Variants in GLRA2 observed in about 807,000 individuals in gnomAD.
The protein encoded by GLRA2 is glycine receptor subunit alpha-2.
GLRA2 carries 11 observed loss-of-function variants against 31.6 expected under a neutral mutation model. That is an observed-to-expected ratio of 0.35 (90% CI 0.22 to 0.58). The LOEUF (loss-of-function observed/expected upper bound fraction) is 0.58. GLRA2 is among the 20% of genes least tolerant of loss of function. The pLI is 0.84. For synonymous variants in GLRA2, 132 were observed against 134.0 expected, an observed-to-expected ratio of 0.99 and a Z score of 0.10; for missense variants, 212 against 351.8, an observed-to-expected ratio of 0.60 and a Z score of 3.18.
the GLRA2 span, among the ~76,000 whole-genome samples, chrX:14,464,503 G>T: frequency 9.0e-6 from 1 of 110,786 alleles, no homozygotes; most frequent in East Asian, 2.8e-4. Flanking sequence ...ATAGATGGAT[G>T]AATTTCAGGG....
intron 4 of GLRA2, among the ~76,000 whole-genome samples, chrX:14,595,068 G>T (rs993299626): frequency 4.5e-5 from 5 of 110,944 alleles, no homozygotes; most frequent in African/African-American, 1.6e-4. Context: ...AAAAAATGAT[G>T]TGTCTCTGGT....
rs140244800 is a variant in GLRA2, at chrX:14,730,254, G to A, written c.1128G>A (p.Gly376=). ...RESRFNFSGY[G]MGHCLQVKDG... is the part of the protein sequence containing the mutation. ...GTCGTTTTAATTTTAGCGGTTATGGGATGGGTCACTGCCTCCAAGTGAAAG... is the reference window on the plus strand; with the variant it reads ...GTCGTTTTAATTTTAGCGGTTATGGAATGGGTCACTGCCTCCAAGTGAAAG... The change falls in exon 9 of 9, where the codon GGG becomes GGA. Residue 376 remains glycine (G), a synonymous_variant. Transcript: ENST00000218075. 260 of 1,197,147 alleles carry A rather than the reference G, an allele frequency of 2.2e-4. No individual in the cohort carries two copies. In the Middle Eastern group the frequency reaches 7.4e-3, roughly 34 times the overall value.
intron 2 of GLRA2, among the ~76,000 whole-genome samples, chrX:14,535,690 G>A (rs1330229400): frequency 8.9e-6 from 1 of 112,300 alleles, no homozygotes; most frequent in Non-Finnish European, 1.9e-5. Flanking sequence ...TGAAACCATG[G>A]TAAATGTTGA....
At chrX:14,671,498 C>T (rs1301737680) in intron 7 of GLRA2, among the ~76,000 whole-genome samples, 1 of 106,856 alleles carries the variant, frequency 9.4e-6, no homozygotes, top group Non-Finnish European at 2.0e-5. Flanking sequence ...TGCTAGGGAT[C>T]CTCCAAAAAC....
chrX:14,510,903 CA>C, the GLRA2 span, among the ~76,000 whole-genome samples: 3 of 110,679 alleles, frequency 2.7e-5, no homozygotes, highest in Non-Finnish European at 5.7e-5. Flanking sequence ...TCCTTTATAA[CA>C]CTTTGGTTTT....
At chrX:14,518,716 T>C in the GLRA2 span, among the ~76,000 whole-genome samples, 4 of 109,652 alleles carry the variant, frequency 3.6e-5, no homozygotes, top group African/African-American at 6.7e-5. Flanking sequence ...AAAGCTGACA[T>C]AAGACATCAG....
At chrX:14,477,833 C>T in the GLRA2 span, among the ~76,000 whole-genome samples, 1 of 110,684 alleles carries the variant, frequency 9.0e-6, no homozygotes, top group East Asian at 2.8e-4. Context: ...ACTCCCACCC[C>T]AATAGTAAGA....
the GLRA2 span, among the ~76,000 whole-genome samples, chrX:14,522,786 C>A: frequency 2.7e-5 from 3 of 111,827 alleles, no homozygotes; most frequent in African/African-American, 9.7e-5. Context: ...AATATTTTTT[C>A]AGAGCAGTAG....
the GLRA2 span, among the ~76,000 whole-genome samples, chrX:14,460,868 C>T: frequency 1.8e-5 from 2 of 109,757 alleles, no homozygotes; most frequent in African/African-American, 6.7e-5. Flanking sequence ...CTCAGTTCTG[C>T]TCTCATCTTA....
rs1192652863 is a variant in GLRA2 at position 14,581,347 on chromosome X, C to T, written c.435C>T (p.Val145=). The T allele has an allele frequency of 2.5e-6, 3 of 1,204,099 alleles. No homozygotes were observed. Among genetic ancestry groups the T allele is most frequent in the African/African-American group, 3.5e-5 (2 of 57,036 alleles). ...AGAAGGGTGCCAACTTCCACGATGT[C>T]ACCACTGACAACAAATTGCTACGGA... ...ANEKGANFHD[V]TTDNKLLRIS... Residue 145 remains valine, a synonymous_variant, in exon 4 of 9, where the codon GTC becomes GTT. Transcript: ENST00000218075.
intron 8 of GLRA2, among the ~76,000 whole-genome samples, chrX:14,715,868 C>G (rs1372180302): frequency 8.9e-6 from 1 of 111,762 alleles, no homozygotes; most frequent in Non-Finnish European, 1.9e-5. Flanking sequence ...GAAATGGAAG[C>G]AATGGTCCAA....
intron 1 of GLRA2, 86 bp from the exon 2 acceptor site, chrX:14,532,152 CA>C (rs1231691748): frequency 3.0e-6 from 2 of 659,339 alleles, no homozygotes; most frequent in East Asian, 7.9e-5. Flanking sequence ...ATATCTTTAC[CA>C]AAATGTAAAG....
At chrX:14,463,750 G>A in the GLRA2 span, among the ~76,000 whole-genome samples, 1 of 110,488 alleles carries the variant, frequency 9.1e-6, no homozygotes, top group African/African-American at 3.3e-5. Context: ...GGGCAGGAGT[G>A]TACCACTCCT....
chrX:14,577,916 A>G (rs763164628), intron 3 of GLRA2, among the ~76,000 whole-genome samples: 1 of 112,218 alleles, frequency 8.9e-6, no homozygotes, highest in South Asian at 3.7e-4. Context: ...GGTCAAAAAA[A>G]TTAAACAGAA....
At chrX:14,522,924 G>A in the GLRA2 span, among the ~76,000 whole-genome samples, 11 of 111,409 alleles carry the variant, frequency 9.9e-5, no homozygotes, top group Non-Finnish European at 1.5e-4. Context: ...ATGGTAAATG[G>A]GCATTGTCTT....
rs1028123916 is a variant in GLRA2, at chrX:14,684,083, C to G, written c.931-6627C>G. On this transcript the variant is annotated intron_variant, in intron 7 of 8. Transcript: ENST00000218075. ...ATAAATAAATGGGGAATCCTTTCCC[C>G]TTTTCTTGTTTTTGCCAGGTTTGTC... Among the ~76,000 whole-genome samples the G allele has an allele frequency of 1.2e-4, 13 of 111,132 alleles. 1 individual carries two copies. In the East Asian group the frequency reaches 3.4e-3, roughly 29 times the overall value.
At chrX:14,707,382 A>C (rs186438686) in intron 8 of GLRA2, among the ~76,000 whole-genome samples, 2 of 111,658 alleles carry the variant, frequency 1.8e-5, no homozygotes, top group East Asian at 5.6e-4. Flanking sequence ...GTTAGGAGCA[A>C]GCAAGATTAT....
chrX:14,631,887 C>T (rs796129026), intron 7 of GLRA2, among the ~76,000 whole-genome samples: 1 of 854 alleles, frequency 1.2e-3, no homozygotes, highest in African/African-American at 4.0e-3. Context: ...TATAGACATA[C>T]ATATGTATAT....
chrX:14,646,955 C>A (rs2147133987), intron 7 of GLRA2, among the ~76,000 whole-genome samples: 1 of 112,024 alleles, frequency 8.9e-6, no homozygotes, highest in African/African-American at 3.2e-5. Context: ...CACCTTGGGG[C>A]AGGGCTTTAC....
Sources: allele counts gnomAD v4.1 joint callset (sites outside exome capture counted in the v4.1 genomes callset), GRCh38; gene constraint gnomAD v4.1.1; transcripts MANE v1.5; gene names NCBI Gene and HGNC (gene_info 2026-07-23, HGNC 2026-07-21).